UNC80: variants seen among roughly 807,000 people sequenced by gnomAD.
The protein encoded by UNC80 is protein unc-80 homolog.
Under a neutral mutation model 384.6 loss-of-function variants are expected in UNC80, and 164 were observed. The ratio of observed to expected loss-of-function variants is 0.43; its 90% CI spans 0.38 to 0.49. The LOEUF (loss-of-function observed/expected upper bound fraction) is 0.49. Ranked by LOEUF, UNC80 falls within the 20% of genes least tolerant of loss-of-function variation. The pLI is 0.00. For missense variants in UNC80, 3,330 were observed against 4,143.0 expected, an observed-to-expected ratio of 0.80 and a Z score of 5.39; for synonymous variants, 1,486 against 1,527.8, an observed-to-expected ratio of 0.97 and a Z score of 0.64.
intron 44 of UNC80, among the ~76,000 whole-genome samples, chr2:209,942,855 TACACACACAC>T (rs10584249): frequency 6.9e-6 from 1 of 145,786 alleles, no homozygotes; most frequent in South Asian, 2.2e-4. Context: ...CACTCTTTCC[TACACACACAC>T]ACACACACAC....
At chr2:209,974,783 G>A (rs929945121) in intron 56 of UNC80, among the ~76,000 whole-genome samples, 1 of 152,218 alleles carries the variant, frequency 6.6e-6, no homozygotes, top group Non-Finnish European at 1.5e-5. Context: ...CTGTTCTTGA[G>A]TCACTTTTAT....
At chr2:209,809,331 C>A in intron 7 of UNC80, 1 of 801,190 alleles carries the variant, frequency 1.2e-6, no homozygotes, top group Admixed American at 1.8e-5. Context: ...CCTTCGCCTG[C>A]GAAACCTGCG....
intron 53 of UNC80, chr2:209,970,108 G>T: frequency 1.8e-6 from 1 of 549,832 alleles, no homozygotes; most frequent in Non-Finnish European, 3.1e-6. Flanking sequence ...TTGGTGTGCT[G>T]CTTCCCATGC....
chr2:209,957,124 A>G (rs1456943075), intron 48 of UNC80, among the ~76,000 whole-genome samples: 1 of 152,228 alleles, frequency 6.6e-6, no homozygotes, highest in African/African-American at 2.4e-5. Flanking sequence ...CTGACTTATA[A>G]GATACTAACT....
At chr2:209,858,131 A>G (rs1214324259) in intron 22 of UNC80, among the ~76,000 whole-genome samples, 2 of 152,206 alleles carry the variant, frequency 1.3e-5, no homozygotes. Context: ...ATGATGACAA[A>G]TACGTTCATT....
chr2:209,866,484 GCACCCC>G (rs1258056016), intron 22 of UNC80, among the ~76,000 whole-genome samples: 1,103 of 75,604 alleles, frequency 0.015, 1 homozygote, highest in Middle Eastern at 0.028. Context: ...AATACAAAAT[GCACCCC>G]CACACACACA....
chr2:209,889,774 A>T (rs1042897827), intron 26 of UNC80, among the ~76,000 whole-genome samples: 1 of 152,178 alleles, frequency 6.6e-6, no homozygotes, highest in African/African-American at 2.4e-5. Flanking sequence ...GTTTGCTGAG[A>T]ATGATGGTTT....
intron 17 of UNC80, among the ~76,000 whole-genome samples, chr2:209,834,626 T>A (rs1014970268): frequency 6.6e-6 from 1 of 152,330 alleles, no homozygotes; most frequent in South Asian, 2.1e-4. Flanking sequence ...TTATGCCTAT[T>A]GTATATTAAA....
chr2:209,832,129 T>C (rs1029418848), intron 16 of UNC80, among the ~76,000 whole-genome samples: 2 of 151,966 alleles, frequency 1.3e-5, no homozygotes, highest in Non-Finnish European at 2.9e-5. Context: ...GCATTAAGAA[T>C]GACACAGTAG....
At chr2:209,786,026 C>T (rs768307486) in intron 4 of UNC80, 40 bp from the exon 5 acceptor site, 2 of 1,602,662 alleles carry the variant, frequency 1.2e-6, no homozygotes, top group Non-Finnish European at 1.7e-6. Flanking sequence ...GCAGCTGTTA[C>T]ATGTCAGTTA....
chr2:209,904,080 TA>T (rs1431005257), intron 28 of UNC80, among the ~76,000 whole-genome samples: 1 of 152,214 alleles, frequency 6.6e-6, no homozygotes, highest in Admixed American at 6.5e-5. Context: ...TTCCTTATCT[TA>T]AAATAACCAT....
At chr2:209,908,920 TC>T (rs1460267730) in intron 29 of UNC80, among the ~76,000 whole-genome samples, 1 of 152,166 alleles carries the variant, frequency 6.6e-6, no homozygotes, top group Admixed American at 6.6e-5. Flanking sequence ...AACGAGGAAA[TC>T]CCTTTCTCAG....
At position 209,984,821 on chromosome 2, in the gene UNC80, T is replaced by C. The variant is rs1196627579; in HGVS notation, c.9258-35T>C. The C allele has an allele frequency of 4.0e-6, 6 of 1,506,288 alleles. No individual in the cohort carries two copies. In the African/African-American group the frequency reaches 8.6e-5, roughly 22 times the overall value. The allele number at this position is 1,506,288 out of a possible 1,614,324, so 93.3% of individuals were successfully genotyped here. ...TTTTCTTTTTTTTTTTCATTTTCTT[T>C]CCCTAAATGCTTCATCTCCCTACCC... On this transcript the variant is annotated intron_variant, in intron 60 of 64. Coordinates refer to ENST00000673920, the MANE Select transcript of UNC80 (RefSeq NM_001371986.1).
intron 22 of UNC80, among the ~76,000 whole-genome samples, chr2:209,854,767 A>C (rs996159637): frequency 2.1e-4 from 32 of 152,226 alleles, no homozygotes; most frequent in African/African-American, 7.5e-4. Flanking sequence ...CACCAGTCGG[A>C]ATGGTGATTA....
rs977303978 is a variant in UNC80, at chr2:209,839,407, G to T, written c.3227G>T (p.Arg1076Leu). The T allele has an allele frequency of 1.9e-6, 3 of 1,551,886 alleles. No homozygotes were observed. In the Admixed American group the frequency reaches 5.9e-5, roughly 30 times the overall value. ...ARSRSRRISL[R>L]KKLKLPIGNW... ...TCACGATCCCGCAGAATTTCCCTCC[G>T]AAAGAAGCTTAAACTCCCCATAGGT... Residue 1076 changes from arginine to leucine, a missense_variant, in exon 19 of 65, where the codon CGA becomes CTA. Physicochemically the swap from Arg to Leu is moderately radical, Grantham distance 102. This residue lies in a region of UNC80 where 801 missense variants were observed against 950.8 expected (regional missense o/e 0.84). Transcript: ENST00000673920. This position sits in a 1 kb window ranked among gnomAD's most constrained non-coding sequence, Gnocchi z 4.1.
intron 9 of UNC80, 86 bp downstream of exon 9, chr2:209,815,477 A>G (rs1019774145): frequency 1.9e-5 from 27 of 1,419,188 alleles, no homozygotes; most frequent in Non-Finnish European, 2.3e-5. Context: ...ATACTGCAGT[A>G]TGGGGTGAGG....
chr2:209,903,895 A>G (rs950820803), intron 28 of UNC80, among the ~76,000 whole-genome samples: 11 of 151,726 alleles, frequency 7.2e-5, no homozygotes, highest in African/African-American at 2.7e-4. Flanking sequence ...TTTGTGTTCA[A>G]TATGGAACAC....
intron 22 of UNC80, among the ~76,000 whole-genome samples, chr2:209,866,529 C>T (rs375972802): frequency 0.032 from 4,082 of 126,428 alleles, 106 homozygotes; most frequent in East Asian, 0.092. Context: ...CACACACACA[C>T]ACACAGAGAG....
At chr2:209,854,125 A>G (rs1027941903) in intron 22 of UNC80, among the ~76,000 whole-genome samples, 1 of 152,120 alleles carries the variant, frequency 6.6e-6, no homozygotes, top group African/African-American at 2.4e-5. Context: ...GGGGCTTAAC[A>G]TCACAAGATA....
Sources: allele counts gnomAD v4.1 joint callset (sites outside exome capture counted in the v4.1 genomes callset), GRCh38; gene constraint gnomAD v4.1.1; regional missense constraint gnomAD v4.1.1; non-coding constraint Gnocchi (gnomAD v3.1); transcripts MANE v1.5; gene names NCBI Gene and HGNC (gene_info 2026-07-23, HGNC 2026-07-21).